The following TMEM260 variants were observed in gnomAD, a reference collection of about 807,000 sequenced individuals.
TMEM260 encodes the protein transmembrane protein 260.
Under a neutral mutation model 88.9 loss-of-function variants are expected in TMEM260, and 82 were observed. The ratio of observed to expected loss-of-function variants is 0.92; its 90% CI spans 0.77 to 1.11. TMEM260 has a LOEUF of 1.11. Ranked by LOEUF, TMEM260 falls within the 50% of genes least tolerant of loss-of-function variation. The pLI, the probability that TMEM260 is intolerant of heterozygous loss-of-function variation, is 0.00. For missense variants in TMEM260, 902 were observed against 853.4 expected (o/e 1.06, Z -0.71); for synonymous variants, 314 against 309.3 (o/e 1.02, Z -0.16).
intron 11 of TMEM260, among the ~76,000 whole-genome samples, chr14:56,622,967 C>T (rs1888026430): frequency 6.6e-6 from 1 of 152,104 alleles, no homozygotes; most frequent in Admixed American, 6.5e-5. Context: ...TGGTTCCACA[C>T]TATGATTTTA....
chr14:56,634,908 ATCT>A lies in TMEM260; in HGVS notation c.1739_1741del (p.Ser580del). The A allele has an allele frequency of 6.2e-7, 1 of 1,613,886 alleles. No individual in the cohort carries two copies. Among genetic ancestry groups the A allele is most frequent in the Non-Finnish European group, 8.5e-7 (1 of 1,179,956 alleles). ...TTTCTTGTAACTACAGGTTTGATCC[ATCT>A]TCTTGGGAATCTGTGGCCAATGAAG... On this transcript the variant is annotated inframe_deletion, in exon 14 of 16. Transcript: ENST00000261556.
chr14:56,596,381 A>AGAGTGTGTGTGTGTGTGTGT (rs1555334739), intron 3 of TMEM260, among the ~76,000 whole-genome samples: 1 of 126,576 alleles, frequency 7.9e-6, no homozygotes, highest in Non-Finnish European at 1.6e-5. Flanking sequence ...TATATGTGAG[A>AGAGTGTGTGTGTGTGTGTGT]GTGTGTGTGT....
chr14:56,586,018 AAC>A, intron 3 of TMEM260, 106 bp downstream of exon 3: 2 of 1,139,502 alleles, frequency 1.8e-6, no homozygotes, highest in East Asian at 2.4e-5. Context: ...TGGTTTCCCT[AAC>A]ACATGTGATT....
chr14:56,630,810 T>C (rs1315645153), intron 12 of TMEM260, among the ~76,000 whole-genome samples: 1 of 152,190 alleles, frequency 6.6e-6, no homozygotes, highest in African/African-American at 2.4e-5. Context: ...AGGAGAATGA[T>C]GACTTTTTGG....
chr14:56,642,884 C>T (rs2139652200), intron 15 of TMEM260, among the ~76,000 whole-genome samples: 1 of 152,296 alleles, frequency 6.6e-6, no homozygotes, highest in Admixed American at 6.5e-5. Flanking sequence ...ATAAACACGT[C>T]TATGCAAATA....
At chr14:56,661,477 T>C in the TMEM260 span, among the ~76,000 whole-genome samples, 1 of 134,970 alleles carries the variant, frequency 7.4e-6, no homozygotes, top group Non-Finnish European at 1.5e-5. Flanking sequence ...GACAGACAGG[T>C]AGTTGGTGAA....
At chr14:56,582,625 G>T (rs1885210023) in intron 1 of TMEM260, among the ~76,000 whole-genome samples, 2 of 152,084 alleles carry the variant, frequency 1.3e-5, no homozygotes, top group South Asian at 4.1e-4. Flanking sequence ...AGTGCAAGTG[G>T]GTCTTAGTAG....
chr14:56,598,506 C>T (rs571100224), intron 3 of TMEM260, among the ~76,000 whole-genome samples: 1 of 152,304 alleles, frequency 6.6e-6, no homozygotes, highest in Admixed American at 6.5e-5. Context: ...AATGTGTCTT[C>T]ATGAAATCAT....
intron 12 of TMEM260, among the ~76,000 whole-genome samples, chr14:56,632,280 C>T (rs1404687929): frequency 6.6e-6 from 1 of 152,156 alleles, no homozygotes; most frequent in Non-Finnish European, 1.5e-5. Flanking sequence ...ACTGTGTCTG[C>T]ATCTGGAGCC....
rs200729811 is a variant in TMEM260 at position 56,633,142 on chromosome 14, T to C, written c.1695T>C (p.Ser565=). 50 of 1,612,914 alleles carry C rather than the reference T, an allele frequency of 3.1e-5. 1 individual carries two copies. In the Admixed American group the frequency reaches 6.2e-4, roughly 20 times the overall value. Reference sequence around the variant, plus strand: ...AGGAATGGATTAAACTTACAAAAAGTATCTATAACTGGACCGAAGAATATG... The same window carrying C: ...AGGAATGGATTAAACTTACAAAAAGCATCTATAACTGGACCGAAGAATATG... The part of the protein sequence containing the change: ...NPEEWIKLTK[S]IYNWTEEYGR... Residue 565 remains serine, a synonymous_variant, in exon 13 of 16, where the codon AGT becomes AGC. Coordinates refer to ENST00000261556, the MANE Select transcript of TMEM260 (RefSeq NM_017799.4).
At chr14:56,597,436 G>A (rs564926778) in intron 3 of TMEM260, among the ~76,000 whole-genome samples, 10 of 152,284 alleles carry the variant, frequency 6.6e-5, no homozygotes, top group African/African-American at 2.2e-4. Context: ...AAGAAACCCC[G>A]AAGTGGAGAA....
chr14:56,629,499 A>G (rs1349352566), intron 12 of TMEM260, among the ~76,000 whole-genome samples: 1 of 152,088 alleles, frequency 6.6e-6, no homozygotes, highest in Non-Finnish European at 1.5e-5. Context: ...ATTCTACAAT[A>G]TTTATCAGAT....
Position 56,649,049 on chromosome 14 carries a change from A to G in TMEM260, c.*1552A>G, listed in dbSNP as rs1890129552. 1 of 152,720 alleles carries G rather than the reference A, an allele frequency of 6.5e-6. No individual in the cohort carries two copies. The highest frequency in any genetic ancestry group is 2.1e-4 in the South Asian group (1 of 4,836). The allele number at this position is 152,720 out of a possible 1,614,324, so 9.5% of individuals were successfully genotyped here. A position where few individuals can be genotyped will look rare whatever the true frequency, so the allele number is the denominator to read the frequency against. ...GCCCCTCCATTCTCTGGATTTGAAG[A>G]TGTCCATTGGAGCCTGCAGTGCCTG... On this transcript the variant is annotated 3_prime_UTR_variant, in exon 16 of 16. Transcript: ENST00000261556.
In TMEM260 at chr14:56,647,995, G is replaced by A. The variant is rs972803519; in HGVS notation, c.*498G>A. ...ACAAAGTAGCTATAGTTGTTACATAGTCTTACACTTCAAGCTAAACACCAA... is the reference window on the plus strand; with the variant it reads ...ACAAAGTAGCTATAGTTGTTACATAATCTTACACTTCAAGCTAAACACCAA... On this transcript the variant is annotated 3_prime_UTR_variant, in exon 16 of 16. Coordinates refer to ENST00000261556, the MANE Select transcript of TMEM260 (RefSeq NM_017799.4). 4 of 152,476 alleles carry A rather than the reference G, an allele frequency of 2.6e-5. No homozygotes were observed. The highest frequency in any genetic ancestry group is 9.7e-5 in the African/African-American group (4 of 41,208). 9.4% of individuals were successfully genotyped at this position (152,476 alleles called of 1,614,324 possible). A position where few individuals can be genotyped will look rare whatever the true frequency, so the allele number is the denominator to read the frequency against.
chr14:56,599,235 C>T (rs964278719), intron 3 of TMEM260, among the ~76,000 whole-genome samples: 1 of 152,264 alleles, frequency 6.6e-6, no homozygotes. Flanking sequence ...GTCCTTCTGT[C>T]CTTTTGCCCT....
chr14:56,633,455 A>G (rs1459556779), intron 13 of TMEM260: 1 of 250,988 alleles, frequency 4.0e-6, no homozygotes, highest in African/African-American at 2.3e-5. Context: ...TGAATGCTGC[A>G]TCATCTACCA....
intron 11 of TMEM260, among the ~76,000 whole-genome samples, 173 bp downstream of exon 11, chr14:56,621,875 A>G (rs1260122185): frequency 2.6e-5 from 4 of 151,926 alleles, no homozygotes; most frequent in Non-Finnish European, 5.9e-5. Flanking sequence ...ACTTTTTTTT[A>G]TTTTAACTAA....
downstream of TMEM260, among the ~76,000 whole-genome samples, chr14:56,653,741 C>CAAAAAAAAAAAAAAAAA (rs370392374): frequency 1.0e-5 from 1 of 97,906 alleles, no homozygotes; most frequent in African/African-American, 4.0e-5. Flanking sequence ...GTCTCCAAAA[C>CAAAAAAAAAAAAAAAAA]AAAAAAAAAA....
chr14:56,637,310 G>A (rs1889179808), intron 15 of TMEM260, among the ~76,000 whole-genome samples: 2 of 152,168 alleles, frequency 1.3e-5, no homozygotes, highest in Admixed American at 6.5e-5. Context: ...GAAATGATAG[G>A]GCCTTGGCTT....
Sources: gnomAD v4.1 joint callset for allele counts (sites outside exome capture counted in the v4.1 genomes callset) on GRCh38, gnomAD v4.1.1 for gene constraint, MANE v1.5 for transcripts, NCBI Gene and HGNC (gene_info 2026-07-23, HGNC 2026-07-21) for gene names.